The following WWOX variants were observed in gnomAD, a reference collection of about 807,000 sequenced individuals.
WWOX encodes the protein WW domain containing oxidoreductase, also known as WW domain-containing oxidoreductase.
WWOX carries 69 observed loss-of-function variants against 46.2 expected under a neutral mutation model. The observed-to-expected ratio is 1.49, with a 90% CI of 1.23 to 1.82. WWOX has a LOEUF of 1.82. Among genes scored for constraint, WWOX ranks in the 40% most tolerant of loss-of-function variants. The pLI, the probability that WWOX is intolerant of heterozygous loss-of-function variation, is 0.00. For synonymous variants in WWOX, 359 were observed against 202.6 expected (o/e 1.77, Z -6.56); for missense variants, 919 against 542.6 (o/e 1.69, Z -6.89).
At chr16:78,472,239 T>C (rs1449440641) in intron 8 of WWOX, among the ~76,000 whole-genome samples, 2 of 152,088 alleles carry the variant, frequency 1.3e-5, no homozygotes, top group African/African-American at 4.8e-5. Context: ...TCCTGTGACC[T>C]GCTGTCTTAA....
intron 8 of WWOX, among the ~76,000 whole-genome samples, chr16:78,856,379 A>T (rs956364007): frequency 1.3e-5 from 2 of 152,192 alleles, no homozygotes; most frequent in African/African-American, 4.8e-5. Context: ...ACAGTGGCTC[A>T]CGCCTGTAAT....
intron 8 of WWOX, among the ~76,000 whole-genome samples, chr16:78,621,851 T>C (rs1224122359): frequency 6.6e-6 from 1 of 151,988 alleles, no homozygotes; most frequent in Non-Finnish European, 1.5e-5. Flanking sequence ...ATGATCTGCC[T>C]ACCTTAGCCT....
At chr16:78,341,013 C>T (rs2081002805) in intron 5 of WWOX, among the ~76,000 whole-genome samples, 1 of 119,124 alleles carries the variant, frequency 8.4e-6, no homozygotes. Context: ...CTTTCAACCC[C>T]ATTTTCAGAA....
At chr16:78,646,166 C>T (rs985507513) in intron 8 of WWOX, among the ~76,000 whole-genome samples, 1 of 152,170 alleles carries the variant, frequency 6.6e-6, no homozygotes, top group Non-Finnish European at 1.5e-5. Flanking sequence ...CAGGGTAGAG[C>T]ATGGATGCCT....
At chr16:79,136,454 C>T (rs766402554) in intron 8 of WWOX, among the ~76,000 whole-genome samples, 2 of 152,170 alleles carry the variant, frequency 1.3e-5, no homozygotes, top group African/African-American at 4.8e-5. Context: ...TGGTCTTGAT[C>T]TCCTGACCTC....
chr16:78,634,495 C>T (rs1261965454), intron 8 of WWOX, among the ~76,000 whole-genome samples: 1 of 152,024 alleles, frequency 6.6e-6, no homozygotes, highest in Admixed American at 6.6e-5. Context: ...ATCACAAGGT[C>T]AGGAGTTCGA....
chr16:79,131,400 GA>G (rs2049875579), intron 8 of WWOX, among the ~76,000 whole-genome samples: 1 of 151,932 alleles, frequency 6.6e-6, no homozygotes, highest in Non-Finnish European at 1.5e-5. Flanking sequence ...TTTCCCTCCT[GA>G]TTCGGAGGGA....
At chr16:78,166,569 T>G (rs577676349) in intron 5 of WWOX, 1 of 151,436 alleles carries the variant, frequency 6.6e-6, no homozygotes, top group South Asian at 2.1e-4. Context: ...TCTTTTTTAT[T>G]TTTTTTTTGA....
chr16:78,773,571 C>G (rs1379691665), intron 8 of WWOX, among the ~76,000 whole-genome samples: 1 of 152,190 alleles, frequency 6.6e-6, no homozygotes, highest in African/African-American at 2.4e-5. Flanking sequence ...GGGGCTCTCA[C>G]TTATTCATAG....
chr16:78,446,167 T>C (rs988642861), intron 8 of WWOX, among the ~76,000 whole-genome samples: 2 of 152,222 alleles, frequency 1.3e-5, no homozygotes, highest in African/African-American at 2.4e-5. Flanking sequence ...GTTAGTAAAC[T>C]ATCAGTTTAA....
intron 8 of WWOX, among the ~76,000 whole-genome samples, chr16:78,507,243 A>C (rs749861762): frequency 6.6e-6 from 1 of 152,236 alleles, no homozygotes; most frequent in African/African-American, 2.4e-5. Flanking sequence ...AGTAATATAT[A>C]AACGTAAATA....
intron 5 of WWOX, among the ~76,000 whole-genome samples, chr16:78,309,228 C>T (rs1004099143): frequency 6.6e-6 from 1 of 152,188 alleles, no homozygotes; most frequent in African/African-American, 2.4e-5. Flanking sequence ...ATAGTGAGTT[C>T]TCACGTGATC....
chr16:78,355,121 G>C (rs1328750875), intron 5 of WWOX, among the ~76,000 whole-genome samples: 1 of 149,906 alleles, frequency 6.7e-6, no homozygotes, highest in East Asian at 2.1e-4. Context: ...CACAGAGGGA[G>C]ACTCTGTCTC....
At chr16:78,436,511 A>T (rs1290872760) in intron 8 of WWOX, among the ~76,000 whole-genome samples, 1 of 152,192 alleles carries the variant, frequency 6.6e-6, no homozygotes, top group Non-Finnish European at 1.5e-5. Flanking sequence ...TCTTACTAAA[A>T]TCCTCTCTAG....
At chr16:78,756,873 G>T in intron 8 of WWOX, 1 of 702,296 alleles carries the variant, frequency 1.4e-6, no homozygotes, top group South Asian at 1.5e-5. Context: ...CAGAGCATGT[G>T]ACTTACGAGG....
chr16:78,814,014 T>G (rs2051265815), intron 8 of WWOX, among the ~76,000 whole-genome samples: 1 of 152,216 alleles, frequency 6.6e-6, no homozygotes, highest in Non-Finnish European at 1.5e-5. Context: ...CTGCTGTTTC[T>G]TTTAGGAGTT....
chr16:78,738,941 A>G (rs776969618), intron 8 of WWOX, among the ~76,000 whole-genome samples: 12 of 152,166 alleles, frequency 7.9e-5, no homozygotes, highest in Non-Finnish European at 1.6e-4. Context: ...GGTCCCCTAA[A>G]TGCAACTTCT....
At chr16:78,581,037 C>G (rs1202754953) in intron 8 of WWOX, among the ~76,000 whole-genome samples, 3 of 152,180 alleles carry the variant, frequency 2.0e-5, no homozygotes, top group Non-Finnish European at 4.4e-5. Flanking sequence ...ATATGAAAAT[C>G]AGCCATCAGC....
chr16:78,898,068 T>C (rs2044742903), intron 8 of WWOX: 1 of 152,152 alleles, frequency 6.6e-6, no homozygotes, highest in Non-Finnish European at 1.5e-5. Flanking sequence ...CATTCTTTTT[T>C]TTTCATATGT....
Sources: allele counts gnomAD v4.1 joint callset (sites outside exome capture counted in the v4.1 genomes callset), GRCh38; gene constraint gnomAD v4.1.1; transcripts MANE v1.5; gene names NCBI Gene and HGNC (gene_info 2026-07-23, HGNC 2026-07-21).